Variants in PHYHIP observed in about 807,000 individuals in gnomAD.
PHYHIP encodes the protein phytanoyl-CoA 2-hydroxylase interacting protein.
In PHYHIP, 7 loss-of-function variants were observed where a neutral mutation model predicts 26.1. That is an observed-to-expected ratio of 0.27 (90% CI 0.15 to 0.50). PHYHIP has a LOEUF of 0.50. PHYHIP is among the 20% of genes least tolerant of loss of function. PHYHIP has a pLI of 0.98. For synonymous variants in PHYHIP, 206 were observed against 183.4 expected, an observed-to-expected ratio of 1.12 and a Z score of -1.00; for missense variants, 232 against 454.7, an observed-to-expected ratio of 0.51 and a Z score of 4.45.
At chr8:22,225,252 A>G (rs551128367) in intron 3 of PHYHIP, among the ~76,000 whole-genome samples, 2 of 152,142 alleles carry the variant, frequency 1.3e-5, no homozygotes, top group African/African-American at 4.8e-5. Flanking sequence ...GCACTTTGGG[A>G]TCACTTGAGC....
At chr8:22,222,211 C>T (rs1479969525) in intron 4 of PHYHIP, among the ~76,000 whole-genome samples, 1 of 152,090 alleles carries the variant, frequency 6.6e-6, no homozygotes, top group African/African-American at 2.4e-5. Context: ...CACTCCCCAC[C>T]TCCTGCCACC....
chr8:22,227,660 C>G (rs139009933), intron 2 of PHYHIP: 9 of 456,376 alleles, frequency 2.0e-5, no homozygotes, highest in African/African-American at 1.6e-4. Context: ...ACGGAGGACT[C>G]TCTCCCATTC....
At chr8:22,230,619 T>C (rs1160962989) in intron 1 of PHYHIP, among the ~76,000 whole-genome samples, 1 of 150,670 alleles carries the variant, frequency 6.6e-6, no homozygotes, top group Non-Finnish European at 1.5e-5. Context: ...AAGACAGGCA[T>C]GTACACACCC....
Position 22,227,044 on chromosome 8 carries a change from A to C in PHYHIP, c.166-19T>G, listed in dbSNP as rs150314544. ...GGACGTCCTGAGAAACAGGGTACAA[A>C]CAGAGAGCCAGGCGTCAAACAGGGG... On this transcript the variant is annotated intron_variant, in intron 2 of 4. Transcript: ENST00000454243. 1.9e-5 allele frequency: 30 copies of C among 1,595,686 alleles called. No homozygotes were observed. The East Asian group carries it at 4.9e-4, about 26-fold the overall frequency.
In PHYHIP at chr8:22,227,041, C is replaced by T. The variant is rs1382363699; in HGVS notation, c.166-16G>A. Reference sequence around the variant, plus strand: ...TGGGGACGTCCTGAGAAACAGGGTACAAACAGAGAGCCAGGCGTCAAACAG... The same window carrying T: ...TGGGGACGTCCTGAGAAACAGGGTATAAACAGAGAGCCAGGCGTCAAACAG... On this transcript the variant is annotated splice_polypyrimidine_tract_variant and intron_variant, in intron 2 of 4. Transcript: ENST00000454243. The T allele has an allele frequency of 6.3e-7, 1 of 1,598,270 alleles. No homozygotes were observed. The highest frequency in any genetic ancestry group is 2.2e-5 in the East Asian group (1 of 44,598).
chr8:22,224,163 G>T, intron 4 of PHYHIP, 63 bp downstream of exon 4: 2 of 974,824 alleles, frequency 2.1e-6, no homozygotes, highest in Non-Finnish European at 3.3e-6. Context: ...GCCAGGACAG[G>T]AGCAGGAAGG....
intron 1 of PHYHIP, among the ~76,000 whole-genome samples, chr8:22,229,520 G>T (rs1442124310): frequency 6.6e-6 from 1 of 152,174 alleles, no homozygotes; most frequent in African/African-American, 2.4e-5. Context: ...GCTGACTCTG[G>T]CCATGACTCT....
In PHYHIP at chr8:22,221,955, G is replaced by T. The variant is rs2131919758; in HGVS notation, c.459-68C>A. On this transcript the variant is annotated intron_variant, in intron 4 of 4. Transcript: ENST00000454243. This position sits in a 1 kb window ranked among gnomAD's most constrained non-coding sequence, Gnocchi z 7.9. ...GGCTGGTGAGCCGGGCTGAGGCTTGGCTGCTGCGTGTGGTCGAGGAGGGAG... is the reference window on the plus strand; with the variant it reads ...GGCTGGTGAGCCGGGCTGAGGCTTGTCTGCTGCGTGTGGTCGAGGAGGGAG... 2 of 1,362,208 alleles carry T rather than the reference G, an allele frequency of 1.5e-6. No individual in the cohort carries two copies. Among genetic ancestry groups the T allele is most frequent in the Non-Finnish European group, 2.0e-6 (2 of 1,024,126 alleles). The allele number at this position is 1,362,208 out of a possible 1,614,324, so 84.4% of individuals were successfully genotyped here. A position where few individuals can be genotyped will look rare whatever the true frequency, so the allele number is the denominator to read the frequency against.
At chr8:22,223,540 T>C (rs1309217263) in intron 4 of PHYHIP, among the ~76,000 whole-genome samples, 1 of 152,062 alleles carries the variant, frequency 6.6e-6, no homozygotes, top group East Asian at 1.9e-4. Context: ...AATGAACAAG[T>C]GCTTCCCTCT....
intron 1 of PHYHIP, among the ~76,000 whole-genome samples, chr8:22,229,738 C>A (rs1016885076): frequency 1.3e-5 from 2 of 152,192 alleles, no homozygotes; most frequent in Non-Finnish European, 2.9e-5. Context: ...TTTCTCCTCC[C>A]CTTGCCCAGG....
At chr8:22,225,291 A>G (rs1829719912) in intron 3 of PHYHIP, among the ~76,000 whole-genome samples, 4 of 152,152 alleles carry the variant, frequency 2.6e-5, no homozygotes, top group Admixed American at 2.0e-4. Context: ...CCTGACCAAC[A>G]TGGAAAAACT....
In PHYHIP at chr8:22,224,598, G is replaced by A. The variant is rs953879002; in HGVS notation, c.341-255C>T. On this transcript the variant is annotated intron_variant, in intron 3 of 4. Transcript: ENST00000454243. ...CATTGCCAGAGGCTCCGGGCTCTCC[G>A]GGTCAGAAAAAGGCAGAGGGCTGCC... Among the ~76,000 whole-genome samples, 10 of 152,302 alleles carry A rather than the reference G, an allele frequency of 6.6e-5. No homozygotes were observed. The South Asian group carries it at 1.4e-3, about 22-fold the overall frequency.
chr8:22,225,640 C>CCA (rs766876944), intron 3 of PHYHIP, among the ~76,000 whole-genome samples: 10 of 127,978 alleles, frequency 7.8e-5, no homozygotes, highest in African/African-American at 3.1e-4. Flanking sequence ...ACTAAAAATA[C>CCA]AAAAAAAAAA....
intron 1 of PHYHIP, among the ~76,000 whole-genome samples, chr8:22,229,884 C>T (rs1449008327): frequency 6.6e-6 from 1 of 152,166 alleles, no homozygotes; most frequent in African/African-American, 2.4e-5. Context: ...TGTGAGTTGC[C>T]TGGATGGCAA....
At chr8:22,227,762 G>A (rs1829780273) in intron 2 of PHYHIP, 6 of 457,238 alleles carry the variant, frequency 1.3e-5, no homozygotes, top group Non-Finnish European at 2.2e-5. Flanking sequence ...CCCGACCGAG[G>A]CCCGTGTGGC....
At chr8:22,224,589 G>A (rs193088936) in intron 3 of PHYHIP, among the ~76,000 whole-genome samples, 2 of 152,194 alleles carry the variant, frequency 1.3e-5, no homozygotes, top group African/African-American at 2.4e-5. Flanking sequence ...CAGAGGCTCC[G>A]GGCTCTCCGG....
rs188440953 is a variant in PHYHIP at position 22,221,054 on chromosome 8, C to G, written c.*299G>C. 1 of 358,706 alleles carries G rather than the reference C, an allele frequency of 2.8e-6. No homozygotes were observed. The highest frequency in any genetic ancestry group is 4.4e-5 in the East Asian group (1 of 22,794). The allele number at this position is 358,706 out of a possible 1,614,324, so 22.2% of individuals were successfully genotyped here. On this transcript the variant is annotated 3_prime_UTR_variant, in exon 5 of 5. Coordinates refer to ENST00000454243, the MANE Select transcript of PHYHIP (RefSeq NM_014759.5). The surrounding 1 kb of genome is among the most constrained non-coding windows in gnomAD (Gnocchi z 7.9). Reference sequence around the variant, plus strand: ...GGTCTTTGGGAGATAGAGACCTGGACGAGGCAAAGAACAGTAGGACAAGGA... The same window carrying G: ...GGTCTTTGGGAGATAGAGACCTGGAGGAGGCAAAGAACAGTAGGACAAGGA...
intron 4 of PHYHIP, among the ~76,000 whole-genome samples, chr8:22,223,520 C>T (rs1484135840): frequency 6.6e-6 from 1 of 152,128 alleles, no homozygotes; most frequent in Non-Finnish European, 1.5e-5. Flanking sequence ...ACAAGTGACT[C>T]CCTGGCTCGA....
rs12548916 is a variant in PHYHIP at position 22,231,568 on chromosome 8, G to A, written c.-30+228C>T. On this transcript the variant is annotated intron_variant, in intron 1 of 4. Coordinates refer to ENST00000454243, the MANE Select transcript of PHYHIP (RefSeq NM_014759.5). ...CCACCCTGCTGTCCCTGTTGGCATCGCTGACTGCAGCAGAACGGTCACGGG... is the reference window on the plus strand; with the variant it reads ...CCACCCTGCTGTCCCTGTTGGCATCACTGACTGCAGCAGAACGGTCACGGG... Among the ~76,000 whole-genome samples the A allele has an allele frequency of 2.2e-4, 33 of 152,294 alleles. 1 individual carries two copies. The highest frequency in any genetic ancestry group is 2.0e-3 in the Admixed American group (31 of 15,306).
Sources: allele counts gnomAD v4.1 joint callset (sites outside exome capture counted in the v4.1 genomes callset), GRCh38; gene constraint gnomAD v4.1.1; non-coding constraint Gnocchi (gnomAD v3.1); transcripts MANE v1.5; gene names NCBI Gene and HGNC (gene_info 2026-07-23, HGNC 2026-07-21).